The following ZSCAN21 variants were observed in gnomAD, a reference collection of about 807,000 sequenced individuals.
The protein encoded by ZSCAN21 is zinc finger and SCAN domain-containing protein 21.
A neutral mutation model predicts 35.6 loss-of-function variants in ZSCAN21; 26 were observed. The ratio of observed to expected loss-of-function variants is 0.73; its 90% CI spans 0.54 to 1.01. ZSCAN21 has a LOEUF of 1.01. Ranked by LOEUF, ZSCAN21 falls within the 50% of genes least tolerant of loss-of-function variation. The pLI is 0.00. For synonymous variants in ZSCAN21, 219 were observed against 219.3 expected, an observed-to-expected ratio of 1.00 and a Z score of 0.01; for missense variants, 593 against 587.1, an observed-to-expected ratio of 1.01 and a Z score of -0.10.
At chr7:100,053,261 T>C (rs1053981348) in intron 1 of ZSCAN21, among the ~76,000 whole-genome samples, 3 of 151,998 alleles carry the variant, frequency 2.0e-5, no homozygotes, top group African/African-American at 7.2e-5. Context: ...TGTGATCCAG[T>C]GGCATCTGTG....
chr7:100,064,627 G>A lies in ZSCAN21; in HGVS notation c.*10G>A, dbSNP rs897700272. On this transcript the variant is annotated 3_prime_UTR_variant, in exon 4 of 4. Transcript: ENST00000292450. The stretch of plus-strand genomic sequence containing the variant: ...GGGAGAAGCACCGTAACTTTCAAGC[G>A]CTCCTGTTGTTGTCGTTGTTTTAAA... The A allele has an allele frequency of 1.5e-5, 24 of 1,606,348 alleles. No homozygotes were observed. In the Admixed American group the frequency reaches 1.5e-4, roughly 10 times the overall value.
In ZSCAN21 at chr7:100,057,827, C is replaced by T. The variant is rs1792136622; in HGVS notation, c.529C>T (p.Pro177Ser). The T allele has an allele frequency of 6.2e-7, 1 of 1,613,890 alleles. No individual in the cohort carries two copies. Among genetic ancestry groups the T allele is most frequent in the Non-Finnish European group, 8.5e-7 (1 of 1,179,910 alleles). ...ETSHKYESWG[P>S]LYIQESGEEQ... ...CAGTCACAAATACGAGTCTTGGGGGCCCCTGTACATCCAAGAGTCTGGTGA... is the reference window on the plus strand; with the variant it reads ...CAGTCACAAATACGAGTCTTGGGGGTCCCTGTACATCCAAGAGTCTGGTGA... The change falls in exon 3 of 4, where the codon CCC becomes TCC. Residue 177 changes from proline to serine, a missense_variant. By Grantham distance (74) the Pro-to-Ser change is moderately conservative (BLOSUM62 -1). Transcript: ENST00000292450.
intron 1 of ZSCAN21, among the ~76,000 whole-genome samples, chr7:100,051,101 C>T (rs1584366588): frequency 2.2e-5 from 3 of 138,832 alleles, no homozygotes; most frequent in Non-Finnish European, 1.5e-5. Flanking sequence ...TCGCTTGAAC[C>T]TGGGAGGCAG....
Position 100,057,889 on chromosome 7 carries a change from A to G in ZSCAN21, c.591A>G (p.Arg197=), listed in dbSNP as rs1221471943. Residue 197 remains arginine, a splice_region_variant and synonymous_variant, in exon 3 of 4, where the codon CGA becomes CGG. Transcript: ENST00000292450. The stretch of plus-strand genomic sequence containing the variant: ...TCGCTCAAGATCCAAGAAAGGTCCG[A>G]GGTGAGGACCACCCATTAGACTCCT... ...QEFAQDPRKV[R]DCRLSTQHEE... 38 of 1,600,576 alleles carry G rather than the reference A, an allele frequency of 2.4e-5. No individual in the cohort carries two copies. Among genetic ancestry groups the G allele is most frequent in the Non-Finnish European group, 3.2e-5 (37 of 1,172,980 alleles).
chr7:100,060,426 GT>G (rs1405710523), intron 3 of ZSCAN21, among the ~76,000 whole-genome samples: 2 of 152,200 alleles, frequency 1.3e-5, no homozygotes, highest in African/African-American at 4.8e-5. Context: ...GTTGGGCGTG[GT>G]GGCATGCACC....
chr7:100,061,034 C>G (rs1211459118), intron 3 of ZSCAN21, among the ~76,000 whole-genome samples: 1 of 151,678 alleles, frequency 6.6e-6, no homozygotes, highest in African/African-American at 2.4e-5. Context: ...CCACTGCACT[C>G]CAGCCTGGGC....
intron 1 of ZSCAN21, among the ~76,000 whole-genome samples, chr7:100,053,332 G>A (rs1584369512): frequency 2.6e-5 from 4 of 151,750 alleles, no homozygotes; most frequent in Admixed American, 1.3e-4. Flanking sequence ...ACTACATGAC[G>A]CTCCCTGTGT....
Position 100,056,958 on chromosome 7 carries a change from T to G in ZSCAN21, c.-49T>G, listed in dbSNP as rs1283334199. The G allele has an allele frequency of 4.6e-6, 7 of 1,512,952 alleles. No homozygotes were observed. The highest frequency in any genetic ancestry group is 2.3e-5 in the East Asian group (1 of 43,846). The allele number at this position is 1,512,952 out of a possible 1,614,324, so 93.7% of individuals were successfully genotyped here. On this transcript the variant is annotated 5_prime_UTR_variant, in exon 2 of 4. The change creates a new upstream start codon in the 5' untranslated region. Coordinates refer to ENST00000292450, the MANE Select transcript of ZSCAN21 (RefSeq NM_145914.3). The stretch of plus-strand genomic sequence containing the variant: ...ACTGGAAACCCAAAGGAACGAATAT[T>G]CCTGCCCCACAGAGTCCCATCTTTG...
At position 100,064,710 on chromosome 7, in the gene ZSCAN21, GAT is replaced by G; in HGVS notation, c.*95_*96del. 6.2e-7 allele frequency: 1 copy of G among 1,608,834 alleles called. No homozygotes were observed. Among genetic ancestry groups the G allele is most frequent in the Non-Finnish European group, 8.5e-7 (1 of 1,176,446 alleles). ...TCATTGCAGCAGCATCGATTCCGGT[GAT>G]AGAGTTTGTATCACTCAACATCAGG... On this transcript the variant is annotated 3_prime_UTR_variant, in exon 4 of 4. Coordinates refer to ENST00000292450, the MANE Select transcript of ZSCAN21 (RefSeq NM_145914.3).
At chr7:100,058,848 C>T (rs1177587942) in intron 3 of ZSCAN21, among the ~76,000 whole-genome samples, 1 of 152,106 alleles carries the variant, frequency 6.6e-6, no homozygotes, top group Non-Finnish European at 1.5e-5. Context: ...TAGCTGGGAC[C>T]ACCATGTCTG....
chr7:100,050,342 G>C (rs927910080), intron 1 of ZSCAN21, among the ~76,000 whole-genome samples: 1 of 152,182 alleles, frequency 6.6e-6, no homozygotes, highest in Non-Finnish European at 1.5e-5. Flanking sequence ...CACACACACA[G>C]AATAGGGATC....
chr7:100,053,546 A>ATACATAGTTTTTTTTT (rs755978112), intron 1 of ZSCAN21, among the ~76,000 whole-genome samples: 1 of 79,488 alleles, frequency 1.3e-5, no homozygotes. Context: ...TACATACATA[A>ATACATAGTTTTTTTTT]TTTTTTTTTT....
At chr7:100,054,383 G>T (rs905837217) in intron 1 of ZSCAN21, among the ~76,000 whole-genome samples, 31 of 151,328 alleles carry the variant, frequency 2.0e-4, no homozygotes, top group Non-Finnish European at 4.4e-4. Flanking sequence ...CCATGTAGTT[G>T]GGATCACAGG....
intron 1 of ZSCAN21, among the ~76,000 whole-genome samples, chr7:100,054,280 C>A (rs1178086839): frequency 6.6e-6 from 1 of 150,852 alleles, no homozygotes; most frequent in Non-Finnish European, 1.5e-5. Flanking sequence ...AACGGAGTCT[C>A]ACTCTGTTGC....
chr7:100,063,210 G>A (rs1233487342), intron 3 of ZSCAN21, among the ~76,000 whole-genome samples: 1 of 152,202 alleles, frequency 6.6e-6, no homozygotes, highest in Non-Finnish European at 1.5e-5. Flanking sequence ...CTCATATGCT[G>A]CATTTTGCCT....
At chr7:100,053,782 CAT>C (rs570532547) in intron 1 of ZSCAN21, among the ~76,000 whole-genome samples, 2 of 151,902 alleles carry the variant, frequency 1.3e-5, no homozygotes, top group Non-Finnish European at 2.9e-5. Flanking sequence ...TTAGGTTTAA[CAT>C]GTGGCCCTAA....
intron 1 of ZSCAN21, among the ~76,000 whole-genome samples, chr7:100,050,147 C>CT (rs1057420939): frequency 6.6e-6 from 1 of 152,204 alleles, no homozygotes; most frequent in African/African-American, 2.4e-5. Context: ...GCCAAGCCGT[C>CT]TATCAGTCTG....
At chr7:100,058,661 T>C (rs1271069840) in intron 3 of ZSCAN21, among the ~76,000 whole-genome samples, 1 of 152,260 alleles carries the variant, frequency 6.6e-6, no homozygotes, top group East Asian at 1.9e-4. Flanking sequence ...CCATATATTA[T>C]GGTTTATAGA....
At chr7:100,052,895 G>A (rs1044757979) in intron 1 of ZSCAN21, among the ~76,000 whole-genome samples, 5 of 152,048 alleles carry the variant, frequency 3.3e-5, no homozygotes, top group Admixed American at 6.6e-5. Flanking sequence ...CTGCGAGGCC[G>A]AGGTGGGCAG....
Sources: gnomAD v4.1 joint callset for allele counts (sites outside exome capture counted in the v4.1 genomes callset) on GRCh38, gnomAD v4.1.1 for gene constraint, MANE v1.5 for transcripts, NCBI Gene and HGNC (gene_info 2026-07-23, HGNC 2026-07-21) for gene names.